Variants in ATRNL1 observed in about 807,000 individuals in gnomAD.
The protein encoded by ATRNL1 is attractin like 1.
A neutral mutation model predicts 182.7 loss-of-function variants in ATRNL1; 95 were observed. The observed-to-expected ratio is 0.52, with a 90% confidence interval of 0.44 to 0.62. ATRNL1 has a LOEUF of 0.62. Ranked by LOEUF, ATRNL1 falls within the 20% of genes least tolerant of loss-of-function variation. The pLI is 0.00. For synonymous variants in ATRNL1, 576 were observed against 568.3 expected, an observed-to-expected ratio of 1.01 and a Z score of -0.19; for missense variants, 1,471 against 1,679.5, an observed-to-expected ratio of 0.88 and a Z score of 2.17.
At chr10:115,727,486 G>C in intron 27 of ATRNL1, 131 bp downstream of exon 27, 1 of 684,614 alleles carries the variant, frequency 1.5e-6, no homozygotes. Flanking sequence ...AGCTACATAT[G>C]TTATGCCATT....
At chr10:115,405,921 C>T (rs1324193983) in intron 20 of ATRNL1, among the ~76,000 whole-genome samples, 1 of 148,122 alleles carries the variant, frequency 6.8e-6, no homozygotes, top group Non-Finnish European at 1.5e-5. Flanking sequence ...CAGTTCCCAC[C>T]TATGAGTGAG....
intron 27 of ATRNL1, among the ~76,000 whole-genome samples, chr10:115,803,241 T>G (rs1565393039): frequency 6.9e-6 from 1 of 145,264 alleles, no homozygotes; most frequent in South Asian, 2.3e-4. Context: ...TTACCTAAAT[T>G]AATTTGGCAA....
intron 26 of ATRNL1, among the ~76,000 whole-genome samples, chr10:115,701,326 T>C (rs1319971302): frequency 6.6e-6 from 1 of 152,040 alleles, no homozygotes; most frequent in Non-Finnish European, 1.5e-5. Flanking sequence ...AGGAAGCTTA[T>C]AGTGCTAAAC....
chr10:115,752,811 A>G (rs998310752), intron 27 of ATRNL1, among the ~76,000 whole-genome samples: 24 of 152,068 alleles, frequency 1.6e-4, no homozygotes, highest in Admixed American at 1.3e-3. Flanking sequence ...AGCCTCTGAT[A>G]TATTTATGCC....
At chr10:115,499,784 T>A (rs1849724653) in intron 24 of ATRNL1, among the ~76,000 whole-genome samples, 1 of 152,210 alleles carries the variant, frequency 6.6e-6, no homozygotes, top group South Asian at 2.1e-4. Context: ...TGACGTTGAA[T>A]GAACTGGGAG....
chr10:115,432,817 G>T (rs1489647137), intron 21 of ATRNL1, among the ~76,000 whole-genome samples: 1 of 151,018 alleles, frequency 6.6e-6, no homozygotes, highest in African/African-American at 2.4e-5. Flanking sequence ...AAGTAGTATA[G>T]TTTTTTTTTC....
chr10:115,152,380 T>C (rs1216474950), intron 5 of ATRNL1, among the ~76,000 whole-genome samples: 1 of 152,214 alleles, frequency 6.6e-6, no homozygotes, highest in African/African-American at 2.4e-5. Context: ...TTGTGTCCTC[T>C]TTTATTTCAT....
intron 23 of ATRNL1, 97 bp downstream of exon 23, chr10:115,467,349 A>T: frequency 1.3e-6 from 1 of 795,820 alleles, no homozygotes; most frequent in Non-Finnish European, 1.9e-6. Flanking sequence ...GAAATTTTAA[A>T]AATGTTATAT....
intron 27 of ATRNL1, among the ~76,000 whole-genome samples, chr10:115,768,314 C>T (rs996502904): frequency 6.6e-6 from 1 of 152,032 alleles, no homozygotes; most frequent in Non-Finnish European, 1.5e-5. Flanking sequence ...TATAGTCTCT[C>T]TGCTGTTGTA....
intron 19 of ATRNL1, among the ~76,000 whole-genome samples, chr10:115,354,820 C>T (rs188043489): frequency 6.6e-6 from 1 of 152,222 alleles, no homozygotes; most frequent in African/African-American, 2.4e-5. Context: ...ACCAGTGACT[C>T]TTAGATTTTC....
chr10:115,437,504 CTG>C (rs1167169385), intron 21 of ATRNL1, among the ~76,000 whole-genome samples: 1 of 151,954 alleles, frequency 6.6e-6, no homozygotes, highest in East Asian at 1.9e-4. Flanking sequence ...CACATTGAGA[CTG>C]TTAAAATACT....
chr10:115,883,359 GT>G (rs1267770445), intron 28 of ATRNL1, among the ~76,000 whole-genome samples: 4 of 152,230 alleles, frequency 2.6e-5, no homozygotes, highest in Non-Finnish European at 4.4e-5. Context: ...GCTGTTGGGA[GT>G]GAGGACAATC....
intron 27 of ATRNL1, among the ~76,000 whole-genome samples, chr10:115,829,449 A>G (rs112842968): frequency 3.6e-4 from 55 of 151,470 alleles, no homozygotes; most frequent in Non-Finnish European, 4.9e-4. Flanking sequence ...GCTTATGTCA[A>G]TTTCCACTTT....
chr10:115,469,178 C>T lies in ATRNL1; in HGVS notation c.3503C>T (p.Thr1168Ile). The change falls in exon 24 of 29, where the codon ACA becomes ATA. Residue 1168 changes from threonine to isoleucine, a missense_variant. Physicochemically the swap from Thr to Ile is moderately conservative, Grantham distance 89 (BLOSUM62 -1). This residue lies in a region of ATRNL1 where 437 missense variants were observed against 506.0 expected (regional missense o/e 0.86). Coordinates refer to ENST00000355044, the MANE Select transcript of ATRNL1 (RefSeq NM_207303.4). Reference protein sequence around the residue: ...ITWSVGSTAGTISGEETSIVS... With the variant: ...ITWSVGSTAGIISGEETSIVS... ...TAAATTATTTACATTTTAGCTGGAA[C>T]AATATCTGGGGAAGAGACTTCTATA... is the stretch of plus-strand genomic sequence containing the variant. 1 of 1,183,160 alleles carries T rather than the reference C, an allele frequency of 8.5e-7. No homozygotes were observed. Among genetic ancestry groups the T allele is most frequent in the East Asian group, 2.9e-5 (1 of 34,922 alleles). 73.3% of individuals were successfully genotyped at this position (1,183,160 alleles called of 1,614,324 possible).
chr10:115,790,089 A>G (rs1256924525), intron 27 of ATRNL1, among the ~76,000 whole-genome samples: 1 of 152,014 alleles, frequency 6.6e-6, no homozygotes, highest in East Asian at 1.9e-4. Flanking sequence ...TATTTTTTTC[A>G]GACACATTTT....
chr10:115,788,945 A>G (rs986666751), intron 27 of ATRNL1, among the ~76,000 whole-genome samples: 12 of 152,226 alleles, frequency 7.9e-5, no homozygotes, highest in African/African-American at 2.9e-4. Context: ...TCATTCCTAG[A>G]AATAACGTAT....
chr10:115,867,618 G>A (rs970559765), intron 28 of ATRNL1, among the ~76,000 whole-genome samples: 22 of 151,990 alleles, frequency 1.4e-4, no homozygotes, highest in African/African-American at 3.1e-4. Flanking sequence ...GTCTTGTGCC[G>A]CTTCCATCTT....
At chr10:115,811,433 G>A (rs1950044267) in intron 27 of ATRNL1, among the ~76,000 whole-genome samples, 2 of 151,956 alleles carry the variant, frequency 1.3e-5, no homozygotes, top group Admixed American at 1.3e-4. Flanking sequence ...AATTGAAGGT[G>A]TATTCTGCTC....
At position 115,127,573 on chromosome 10, in the gene ATRNL1, TC is replaced by T. The variant is rs1315154964; in HGVS notation, c.492-19del. ...TTATGTATATCTATACATACAATAT[TC>T]AGTTTTGTTCTCTTTTAGTGGTTTG... On this transcript the variant is annotated intron_variant, in intron 3 of 28. Coordinates refer to ENST00000355044, the MANE Select transcript of ATRNL1 (RefSeq NM_207303.4). 6.3e-7 allele frequency: 1 copy of T among 1,595,204 alleles called. No homozygotes were observed. The highest frequency in any genetic ancestry group is 2.3e-5 in the East Asian group (1 of 44,376).
Sources: gnomAD v4.1 joint callset for allele counts (sites outside exome capture counted in the v4.1 genomes callset) on GRCh38, gnomAD v4.1.1 for gene constraint, gnomAD v4.1.1 regional missense constraint, MANE v1.5 for transcripts, NCBI Gene and HGNC (gene_info 2026-07-23, HGNC 2026-07-21) for gene names.